The following RBFOX3 variants were observed in gnomAD, a reference collection of about 807,000 sequenced individuals.
RBFOX3 encodes RNA binding protein fox-1 homolog 3.
In RBFOX3, 17 loss-of-function variants were observed where a neutral mutation model predicts 48.7. The observed-to-expected ratio is 0.35, with a 90% CI of 0.24 to 0.52. RBFOX3 has a LOEUF of 0.52. Ranked by LOEUF, RBFOX3 falls within the 20% of genes least tolerant of loss-of-function variation. The probability of loss-of-function intolerance (pLI) is 0.94; values close to 1 mark genes in which losing one functional copy is unlikely to be tolerated. For missense variants in RBFOX3, 382 were observed against 497.5 expected (o/e 0.77, Z 2.21); for synonymous variants, 212 against 209.5 (o/e 1.01, Z -0.10).
intron 1 of RBFOX3, among the ~76,000 whole-genome samples, chr17:79,565,921 G>A (rs1392972793): frequency 6.6e-6 from 1 of 152,070 alleles, no homozygotes; most frequent in Non-Finnish European, 1.5e-5. Flanking sequence ...CACCATCACA[G>A]GCTTGGAGAG....
intron 4 of RBFOX3, among the ~76,000 whole-genome samples, chr17:79,191,702 A>G (rs76670882): frequency 0.021 from 3,160 of 152,322 alleles, 49 homozygotes; most frequent in Non-Finnish European, 0.026. Context: ...AGCTTGTCCC[A>G]GGACTCAAGG....
chr17:79,142,963 G>C (rs1326850250), intron 4 of RBFOX3, among the ~76,000 whole-genome samples: 1 of 152,172 alleles, frequency 6.6e-6, no homozygotes, highest in Non-Finnish European at 1.5e-5. Context: ...CCAGGTCCCA[G>C]GACTAGAAGA....
chr17:79,614,481 C>CT (rs1433952576), upstream of RBFOX3, among the ~76,000 whole-genome samples: 1 of 151,728 alleles, frequency 6.6e-6, no homozygotes, highest in Non-Finnish European at 1.5e-5. Context: ...CTTTGCAGCC[C>CT]CCCTAAGGTG....
At chr17:79,501,078 C>T (rs1201840210) in intron 1 of RBFOX3, among the ~76,000 whole-genome samples, 1 of 152,164 alleles carries the variant, frequency 6.6e-6, no homozygotes, top group African/African-American at 2.4e-5. Flanking sequence ...GCGCACGTGG[C>T]GTAAATCACT....
At chr17:79,120,346 G>T (rs2035360701) in intron 4 of RBFOX3, among the ~76,000 whole-genome samples, 1 of 152,036 alleles carries the variant, frequency 6.6e-6, no homozygotes, top group Admixed American at 6.6e-5. Context: ...GGGGTACATG[G>T]GTGGGCAGGT....
intron 4 of RBFOX3, among the ~76,000 whole-genome samples, chr17:79,213,651 T>A (rs2147188819): frequency 6.6e-6 from 1 of 152,236 alleles, no homozygotes; most frequent in East Asian, 1.9e-4. Context: ...TCCTGAGCCT[T>A]CCCCGGGGAC....
chr17:79,154,737 C>G (rs944365666), intron 4 of RBFOX3, among the ~76,000 whole-genome samples: 1 of 152,252 alleles, frequency 6.6e-6, no homozygotes, highest in African/African-American at 2.4e-5. Flanking sequence ...CTGGCCCCTG[C>G]CCCGTTGGCT....
At position 79,170,147 on chromosome 17, in the gene RBFOX3, A is replaced by AAGGGAGGAGGAAGG. The variant is rs1568273762; in HGVS notation, c.-33-54400_-33-54399insCCTTCCTCCTCCCT. Among the ~76,000 whole-genome samples, 1,209 of 142,388 alleles carry AAGGGAGGAGGAAGG rather than the reference A, an allele frequency of 8.5e-3. 19 individuals are homozygous for AAGGGAGGAGGAAGG. Among genetic ancestry groups the AAGGGAGGAGGAAGG allele is most frequent in the East Asian group, 0.035 (168 of 4,734 alleles). 93.4% of individuals were successfully genotyped at this position (142,388 alleles called of 152,430 possible). A position where few individuals can be genotyped will look rare whatever the true frequency, so the allele number is the denominator to read the frequency against. On this transcript the variant is annotated intron_variant, in intron 4 of 14. Transcript: ENST00000693108. The stretch of plus-strand genomic sequence containing the variant: ...GGAAGGAAGGAGGAAGGAGGGAAGG[A>AAGGGAGGAGGAAGG]AGGAAGGGAGGAGGAAGGAGGAAGG...
chr17:79,382,869 C>T (rs2060097344), intron 2 of RBFOX3, among the ~76,000 whole-genome samples: 1 of 152,236 alleles, frequency 6.6e-6, no homozygotes, highest in Admixed American at 6.5e-5. Flanking sequence ...GGGGCATTTC[C>T]AGAACCTTGC....
At chr17:79,298,564 C>T (rs768078531) in intron 3 of RBFOX3, 23 of 152,252 alleles carry the variant, frequency 1.5e-4, no homozygotes, top group Admixed American at 6.5e-5. Flanking sequence ...GCCACCAGGT[C>T]GCCAAGTCCA....
the RBFOX3 span, among the ~76,000 whole-genome samples, chr17:79,632,069 G>A: frequency 6.6e-6 from 1 of 152,204 alleles, no homozygotes; most frequent in East Asian, 1.9e-4. Context: ...AGCCCTCCGC[G>A]CTGCAGGAAT....
intron 2 of RBFOX3, among the ~76,000 whole-genome samples, chr17:79,389,099 CG>C (rs148613149): frequency 1.3e-5 from 2 of 151,976 alleles, no homozygotes; most frequent in East Asian, 1.9e-4. Flanking sequence ...GCGGTGGGCG[CG>C]GGGGGGCGGT....
At chr17:79,536,793 C>T (rs115171307) in intron 1 of RBFOX3, among the ~76,000 whole-genome samples, 1 of 152,180 alleles carries the variant, frequency 6.6e-6, no homozygotes, top group Non-Finnish European at 1.5e-5. Context: ...CGGCTTAAAG[C>T]AACAGACATT....
chr17:79,664,376 C>T, the RBFOX3 span, among the ~76,000 whole-genome samples: 17 of 149,972 alleles, frequency 1.1e-4, no homozygotes, highest in Non-Finnish European at 1.5e-4. Context: ...GATGGAGTCT[C>T]GCTCTGTCGC....
intron 4 of RBFOX3, among the ~76,000 whole-genome samples, chr17:79,219,971 C>T (rs922949417): frequency 6.6e-6 from 1 of 151,360 alleles, no homozygotes; most frequent in Non-Finnish European, 1.5e-5. Flanking sequence ...ATCCGAGGCC[C>T]ACCTAGAACA....
chr17:79,304,082 G>A (rs2075750719), intron 3 of RBFOX3, among the ~76,000 whole-genome samples: 1 of 152,120 alleles, frequency 6.6e-6, no homozygotes, highest in African/African-American at 2.4e-5. Context: ...TTTATAATGT[G>A]AATAATCATT....
intron 2 of RBFOX3, among the ~76,000 whole-genome samples, chr17:79,360,197 G>T (rs534637972): frequency 1.3e-5 from 2 of 152,250 alleles, no homozygotes; most frequent in South Asian, 2.1e-4. Flanking sequence ...GTTTTTAGGG[G>T]TGTGGCCAGC....
At chr17:79,102,324 C>T (rs892336232) in intron 8 of RBFOX3, among the ~76,000 whole-genome samples, 1 of 152,192 alleles carries the variant, frequency 6.6e-6, no homozygotes, top group Non-Finnish European at 1.5e-5. Context: ...CTGGGCTGTT[C>T]TGCCTCCCCT....
chr17:79,323,250 T>C (rs2078813813), intron 2 of RBFOX3, among the ~76,000 whole-genome samples: 1 of 152,330 alleles, frequency 6.6e-6, no homozygotes, highest in South Asian at 2.1e-4. Context: ...TTTTCCACAA[T>C]ATCAAGAAAA....
Sources: allele counts gnomAD v4.1 joint callset (sites outside exome capture counted in the v4.1 genomes callset), GRCh38; gene constraint gnomAD v4.1.1; transcripts MANE v1.5; gene names NCBI Gene and HGNC (gene_info 2026-07-23, HGNC 2026-07-21).